The following SLC13A3 variants were observed in gnomAD, a reference collection of about 807,000 sequenced individuals.
The protein encoded by SLC13A3 is solute carrier family 13 member 3.
In SLC13A3, 40 loss-of-function variants were observed where a neutral mutation model predicts 59.0. The ratio of observed to expected loss-of-function variants is 0.68; its 90% CI spans 0.53 to 0.88. SLC13A3 has a LOEUF of 0.88. Ranked by LOEUF, SLC13A3 falls within the 40% of genes least tolerant of loss-of-function variation. SLC13A3 has a pLI of 0.00. For missense variants in SLC13A3, 699 were observed against 783.2 expected, an observed-to-expected ratio of 0.89 and a Z score of 1.28; for synonymous variants, 317 against 330.3, an observed-to-expected ratio of 0.96 and a Z score of 0.44.
upstream of SLC13A3, among the ~76,000 whole-genome samples, chr20:46,652,553 T>A (rs896420728): frequency 1.0e-3 from 146 of 143,632 alleles, no homozygotes; most frequent in African/African-American, 3.6e-3. Context: ...GCTAATTTTT[T>A]TTTTTTTTTT....
upstream of SLC13A3, among the ~76,000 whole-genome samples, chr20:46,654,065 G>A (rs986528307): frequency 1.3e-5 from 2 of 152,032 alleles, no homozygotes; most frequent in African/African-American, 2.4e-5. Context: ...ACATTCCCAC[G>A]ATGTGCAAGG....
chr20:46,592,256 CAT>C lies in SLC13A3; in HGVS notation c.920+146_920+147del, dbSNP rs2062267076. On this transcript the variant is annotated intron_variant, in intron 6 of 12. Transcript: ENST00000279027. ...ACATACATACATACATACATATATA[CAT>C]ACCTACATACATACATACATAAAAG... 4 of 903,282 alleles carry C rather than the reference CAT, an allele frequency of 4.4e-6. No homozygotes were observed. In the African/African-American group the frequency reaches 6.8e-5, roughly 15 times the overall value. 56.0% of individuals were successfully genotyped at this position (903,282 alleles called of 1,614,324 possible).
At chr20:46,572,489 A>T (rs1195504670) in intron 10 of SLC13A3, among the ~76,000 whole-genome samples, 1 of 151,924 alleles carries the variant, frequency 6.6e-6, no homozygotes, top group African/African-American at 2.4e-5. Flanking sequence ...TGCTCCCCAC[A>T]CCACTTCTGG....
intron 5 of SLC13A3, among the ~76,000 whole-genome samples, chr20:46,595,263 G>T (rs1367514822): frequency 6.6e-6 from 1 of 152,234 alleles, no homozygotes; most frequent in African/African-American, 2.4e-5. Flanking sequence ...GAAACCAGAG[G>T]TTTAGAATAA....
In SLC13A3 at chr20:46,574,596, T is replaced by C. The variant is rs548946023; in HGVS notation, c.1332+977A>G. 4.1e-4 allele frequency among the ~76,000 whole-genome samples: 63 copies of C among 152,214 alleles called. 1 individual carries two copies. Among genetic ancestry groups the C allele is most frequent in the African/African-American group, 1.4e-3 (59 of 41,522 alleles). On this transcript the variant is annotated intron_variant, in intron 10 of 12. Transcript: ENST00000279027. The stretch of plus-strand genomic sequence containing the variant: ...CTCTGGAATAACATTAATAATAACA[T>C]CCATGAACTAATTAATATTACTATC...
chr20:46,612,147 T>TTTTTTTTTG (rs1555879622), intron 2 of SLC13A3, among the ~76,000 whole-genome samples: 1 of 145,556 alleles, frequency 6.9e-6, no homozygotes, highest in Non-Finnish European at 1.5e-5. Context: ...TTTTTTTTTT[T>TTTTTTTTTG]GAGACAGGGT....
At chr20:46,607,573 A>G (rs2062448590) in intron 3 of SLC13A3, among the ~76,000 whole-genome samples, 1 of 152,158 alleles carries the variant, frequency 6.6e-6, no homozygotes, top group South Asian at 2.1e-4. Context: ...CCCTCTTGAC[A>G]TCCTGCAGCA....
chr20:46,583,722 G>C, intron 8 of SLC13A3, 53 bp from the exon 9 acceptor site: 1 of 1,607,272 alleles, frequency 6.2e-7, no homozygotes, highest in South Asian at 1.1e-5. Flanking sequence ...AGCGGGCCGA[G>C]GTTTGGCAGA....
chr20:46,679,621 A>G (rs2063144397), intron 1 of SLC13A3, among the ~76,000 whole-genome samples: 1 of 150,950 alleles, frequency 6.6e-6, no homozygotes, highest in Non-Finnish European at 1.5e-5. Context: ...CTCAAAAAAA[A>G]AAAGGGGGTG....
intron 1 of SLC13A3, chr20:46,684,333 A>C (rs2063169698): frequency 6.6e-6 from 1 of 152,222 alleles, no homozygotes; most frequent in Non-Finnish European, 1.5e-5. Context: ...GTCCGTTCTC[A>C]CACTGCTGAT....
intron 1 of SLC13A3, among the ~76,000 whole-genome samples, chr20:46,660,411 T>C (rs188508744): frequency 5.8e-4 from 89 of 152,346 alleles, no homozygotes; most frequent in African/African-American, 2.1e-3. Context: ...TCTCATTCCA[T>C]TGTGTTCAAG....
At chr20:46,626,984 A>G (rs1402857537) in intron 1 of SLC13A3, among the ~76,000 whole-genome samples, 1 of 148,958 alleles carries the variant, frequency 6.7e-6, no homozygotes, top group Non-Finnish European at 1.5e-5. Flanking sequence ...CTCTGATCAC[A>G]CTGTTCATTG....
chr20:46,650,849 G>T (rs1600616152), intron 1 of SLC13A3, among the ~76,000 whole-genome samples: 1 of 152,248 alleles, frequency 6.6e-6, no homozygotes, highest in Admixed American at 6.5e-5. Flanking sequence ...AGAATTGCTT[G>T]AGTCCAGGAG....
At chr20:46,620,130 T>C (rs943981293) in intron 1 of SLC13A3, among the ~76,000 whole-genome samples, 4 of 152,196 alleles carry the variant, frequency 2.6e-5, no homozygotes, top group Non-Finnish European at 5.9e-5. Context: ...CACACAGTGA[T>C]GGAAAAAATA....
intron 6 of SLC13A3, among the ~76,000 whole-genome samples, chr20:46,590,709 CAT>C (rs909834625): frequency 1.4e-4 from 21 of 152,126 alleles, no homozygotes; most frequent in African/African-American, 4.3e-4. Flanking sequence ...GGAGAGGAAA[CAT>C]GTACGATTTT....
chr20:46,599,664 T>C (rs148683312), intron 4 of SLC13A3, among the ~76,000 whole-genome samples: 4 of 152,360 alleles, frequency 2.6e-5, no homozygotes, highest in Non-Finnish European at 4.4e-5. Flanking sequence ...TTGACTGTCA[T>C]GCAGTTTGTG....
intron 3 of SLC13A3, among the ~76,000 whole-genome samples, chr20:46,600,367 AAGGAAG>A (rs2062366056): frequency 6.7e-6 from 1 of 149,624 alleles, no homozygotes; most frequent in African/African-American, 2.5e-5. Context: ...AAGGAAAGAA[AAGGAAG>A]GGAAAGGAAA....
At chr20:46,625,796 G>T (rs2062662337) in intron 1 of SLC13A3, among the ~76,000 whole-genome samples, 1 of 152,214 alleles carries the variant, frequency 6.6e-6, no homozygotes, top group Non-Finnish European at 1.5e-5. Context: ...TGCTCAGCGT[G>T]ATGTCTGTGA....
chr20:46,651,569 T>C (rs2062952687), upstream of SLC13A3: 2 of 1,303,278 alleles, frequency 1.5e-6, no homozygotes, highest in African/African-American at 1.6e-5. Context: ...GGGTGGTGCC[T>C]GCGCCCCTGG....
Sources: allele counts gnomAD v4.1 joint callset (sites outside exome capture counted in the v4.1 genomes callset), GRCh38; gene constraint gnomAD v4.1.1; transcripts MANE v1.5; gene names NCBI Gene and HGNC (gene_info 2026-07-23, HGNC 2026-07-21).